Variants in CTNNA3 observed in about 807,000 individuals in gnomAD.
CTNNA3 encodes the protein catenin alpha-3.
In CTNNA3, 76 loss-of-function variants were observed where a neutral mutation model predicts 95.7. The observed-to-expected ratio is 0.79, with a 90% CI of 0.66 to 0.96. CTNNA3 has a LOEUF of 0.96. Among genes scored for constraint, CTNNA3 ranks in the 40% least tolerant of loss-of-function variants. The pLI is 0.00. For synonymous variants in CTNNA3, 431 were observed against 374.4 expected, an observed-to-expected ratio of 1.15 and a Z score of -1.74; for missense variants, 1,191 against 1,089.8, an observed-to-expected ratio of 1.09 and a Z score of -1.31.
intron 9 of CTNNA3, among the ~76,000 whole-genome samples, chr10:66,695,825 C>A (rs1369062560): frequency 1.3e-5 from 2 of 150,684 alleles, no homozygotes; most frequent in Non-Finnish European, 2.9e-5. Context: ...CTCAAGAGAC[C>A]CACTGCATTG....
intron 7 of CTNNA3, among the ~76,000 whole-genome samples, chr10:66,915,563 G>A (rs2132578642): frequency 6.6e-6 from 1 of 151,954 alleles, no homozygotes; most frequent in South Asian, 2.1e-4. Flanking sequence ...CCAGGAAATA[G>A]GGATCCTGTT....
intron 13 of CTNNA3, among the ~76,000 whole-genome samples, chr10:66,119,354 C>G (rs917845185): frequency 6.6e-6 from 1 of 152,104 alleles, no homozygotes; most frequent in African/African-American, 2.4e-5. Context: ...AATTTAATTA[C>G]AAAGTGTTCA....
At chr10:66,290,154 G>T (rs2091656299) in intron 12 of CTNNA3, among the ~76,000 whole-genome samples, 1 of 151,970 alleles carries the variant, frequency 6.6e-6, no homozygotes, top group African/African-American at 2.4e-5. Flanking sequence ...TGTGAATAAA[G>T]AGAAGTAGAG....
At chr10:67,496,503 A>G (rs1442249814) in intron 5 of CTNNA3, among the ~76,000 whole-genome samples, 1 of 152,196 alleles carries the variant, frequency 6.6e-6, no homozygotes, top group Admixed American at 6.5e-5. Context: ...CCTTTTCAAC[A>G]GGAGGTTCTC....
chr10:67,701,681 G>C (rs112489044), intron 1 of CTNNA3, among the ~76,000 whole-genome samples: 1 of 152,172 alleles, frequency 6.6e-6, no homozygotes, highest in Non-Finnish European at 1.5e-5. Context: ...ATGCCAAACT[G>C]TAAAGACCAT....
chr10:66,863,601 G>T (rs1040215403), intron 7 of CTNNA3, among the ~76,000 whole-genome samples: 8 of 148,146 alleles, frequency 5.4e-5, no homozygotes, highest in Non-Finnish European at 9.1e-5. Context: ...GCCAAAACTG[G>T]AGGAATAGAG....
intron 10 of CTNNA3, among the ~76,000 whole-genome samples, chr10:66,594,421 T>C (rs796251661): frequency 3.9e-5 from 6 of 152,226 alleles, no homozygotes; most frequent in African/African-American, 1.4e-4. Flanking sequence ...ATTCTTCCTG[T>C]TTTACTGCAG....
chr10:65,995,793 C>T (rs963055340), intron 15 of CTNNA3, among the ~76,000 whole-genome samples: 8 of 152,074 alleles, frequency 5.3e-5, no homozygotes, highest in Non-Finnish European at 1.0e-4. Context: ...GCTGGGTGGG[C>T]CTGCGCTTAA....
chr10:66,044,677 C>T (rs942143405), intron 15 of CTNNA3, among the ~76,000 whole-genome samples: 1 of 152,036 alleles, frequency 6.6e-6, no homozygotes, highest in African/African-American at 2.4e-5. Flanking sequence ...TGTGGGTTTG[C>T]CCCATATTCT....
At chr10:66,819,473 A>C (rs1842221340) in intron 7 of CTNNA3, among the ~76,000 whole-genome samples, 2 of 152,172 alleles carry the variant, frequency 1.3e-5, no homozygotes, top group Non-Finnish European at 2.9e-5. Context: ...GAGCAGCGAA[A>C]AATAAATAGG....
intron 7 of CTNNA3, among the ~76,000 whole-genome samples, chr10:67,087,790 G>C (rs1857392243): frequency 6.6e-6 from 1 of 151,882 alleles, no homozygotes; most frequent in Non-Finnish European, 1.5e-5. Flanking sequence ...GGGGGATGGA[G>C]GTTTGTGATT....
At chr10:66,825,816 A>C (rs947647061) in intron 7 of CTNNA3, among the ~76,000 whole-genome samples, 4 of 151,710 alleles carry the variant, frequency 2.6e-5, no homozygotes, top group African/African-American at 9.7e-5. Context: ...GTCATCCCTT[A>C]CCCCAAAGCC....
intron 12 of CTNNA3, among the ~76,000 whole-genome samples, chr10:66,325,951 A>C (rs935367496): frequency 6.6e-6 from 1 of 152,270 alleles, no homozygotes; most frequent in Admixed American, 6.5e-5. Flanking sequence ...TTAACCATGC[A>C]TGAAAAGAGC....
chr10:67,693,670 A>G (rs369084031), intron 1 of CTNNA3, among the ~76,000 whole-genome samples: 144 of 152,348 alleles, frequency 9.5e-4, no homozygotes, highest in South Asian at 7.9e-3. Flanking sequence ...TTGATAATTC[A>G]TAACTCTACC....
chr10:66,371,849 C>A (rs2092756899), intron 12 of CTNNA3, among the ~76,000 whole-genome samples: 1 of 152,176 alleles, frequency 6.6e-6, no homozygotes, highest in Non-Finnish European at 1.5e-5. Context: ...TTAAACTCTA[C>A]TAAGATAATG....
At chr10:66,547,948 T>A (rs1842089602) in intron 10 of CTNNA3, among the ~76,000 whole-genome samples, 1 of 151,596 alleles carries the variant, frequency 6.6e-6, no homozygotes, top group Non-Finnish European at 1.5e-5. Flanking sequence ...GGAGTTTCAC[T>A]CTTGTTGCTC....
At chr10:67,273,704 A>G (rs1839072081) in intron 5 of CTNNA3, among the ~76,000 whole-genome samples, 1 of 152,160 alleles carries the variant, frequency 6.6e-6, no homozygotes, top group Non-Finnish European at 1.5e-5. Flanking sequence ...TGTATAAACA[A>G]TTGTGGTATA....
chr10:67,359,959 C>A (rs1239769169), intron 5 of CTNNA3, among the ~76,000 whole-genome samples: 1 of 152,046 alleles, frequency 6.6e-6, no homozygotes, highest in East Asian at 1.9e-4. Flanking sequence ...AAAAAAGGGT[C>A]AGATTACTTC....
chr10:66,900,363 G>A (rs1845688285), intron 7 of CTNNA3, among the ~76,000 whole-genome samples: 1 of 152,092 alleles, frequency 6.6e-6, no homozygotes, highest in African/African-American at 2.4e-5. Context: ...AACCCCATCT[G>A]CAGGTCACCA....
Sources: gnomAD v4.1 joint callset for allele counts (sites outside exome capture counted in the v4.1 genomes callset) on GRCh38, gnomAD v4.1.1 for gene constraint, MANE v1.5 for transcripts, NCBI Gene and HGNC (gene_info 2026-07-23, HGNC 2026-07-21) for gene names.